GLIS1: variants seen among roughly 807,000 people sequenced by gnomAD.
The protein encoded by GLIS1 is GLIS family zinc finger 1, also known as zinc finger protein GLIS1.
A neutral mutation model predicts 63.8 loss-of-function variants in GLIS1; 24 were observed. That is an observed-to-expected ratio of 0.38 (90% CI 0.27 to 0.53). The LOEUF (loss-of-function observed/expected upper bound fraction) is 0.53, where lower values mean the gene tolerates loss of function less well. GLIS1 is among the 20% of genes least tolerant of loss of function. The pLI is 0.85. For missense variants in GLIS1, 1,036 were observed against 1,074.1 expected (o/e 0.96, Z 0.50); for synonymous variants, 450 against 482.5 (o/e 0.93, Z 0.88).
Position 53,594,231 on chromosome 1 carries a change from G to A in GLIS1, c.1197C>T (p.Arg399=). ...AGAAGCAGGTGAAGTCCTCGCCCTT[G>A]CGCTGGTCGATGTGGCTCTTCTCGA... The part of the protein sequence containing the change: ...RHIEKSHIDQ[R]KGEDFTCFWA... Residue 399 remains arginine (R), a synonymous_variant, in exon 4 of 11, where the codon CGC becomes CGT. Transcript: ENST00000628545. 1 of 1,613,898 alleles carries A rather than the reference G, an allele frequency of 6.2e-7. No individual in the cohort carries two copies. The highest frequency in any genetic ancestry group is 1.1e-5 in the South Asian group (1 of 91,088).
chr1:53,725,572 G>A (rs1032738225), intron 2 of GLIS1, among the ~76,000 whole-genome samples: 1 of 152,200 alleles, frequency 6.6e-6, no homozygotes, highest in African/African-American at 2.4e-5. Context: ...CAGCCTGAAG[G>A]GGGAACCTGC....
At chr1:53,605,873 C>T (rs1645364925) in intron 2 of GLIS1, among the ~76,000 whole-genome samples, 1 of 152,176 alleles carries the variant, frequency 6.6e-6, no homozygotes, top group Non-Finnish European at 1.5e-5. Flanking sequence ...CTTAGAAATG[C>T]TGGGAGGGTA....
chr1:53,732,314 C>CG (rs1237733088), intron 2 of GLIS1, among the ~76,000 whole-genome samples: 2 of 152,212 alleles, frequency 1.3e-5, no homozygotes, highest in African/African-American at 4.8e-5. Context: ...TCTCTCCACC[C>CG]CTACCCAGCC....
chr1:53,512,520 C>T (rs1220690932), intron 8 of GLIS1, among the ~76,000 whole-genome samples: 2 of 152,102 alleles, frequency 1.3e-5, no homozygotes, highest in African/African-American at 2.4e-5. Flanking sequence ...CACGAGTGGC[C>T]GTTCCTTGTT....
intron 2 of GLIS1, among the ~76,000 whole-genome samples, chr1:53,668,834 G>A (rs1281857915): frequency 6.6e-6 from 1 of 152,070 alleles, no homozygotes; most frequent in Non-Finnish European, 1.5e-5. Flanking sequence ...AATCACCTAC[G>A]ACACGTCTCA....
chr1:53,681,299 C>G (rs927275351), intron 2 of GLIS1, among the ~76,000 whole-genome samples: 1 of 152,250 alleles, frequency 6.6e-6, no homozygotes, highest in Non-Finnish European at 1.5e-5. Context: ...GGGCTGCAGC[C>G]TGAGGTGGGC....
intron 2 of GLIS1, among the ~76,000 whole-genome samples, chr1:53,700,109 GCTCAGCCAGGGT>G (rs1383711860): frequency 6.6e-6 from 1 of 152,190 alleles, no homozygotes; most frequent in Non-Finnish European, 1.5e-5. Flanking sequence ...GCCACTACAC[GCTCAGCCAGGGT>G]CTCAGCCCAC....
intron 2 of GLIS1, among the ~76,000 whole-genome samples, chr1:53,605,043 G>C (rs969861910): frequency 6.6e-5 from 1 of 15,174 alleles, no homozygotes; most frequent in Non-Finnish European, 0.012. Context: ...GCTGTTAATC[G>C]CCAACCCCCG....
Position 53,571,539 on chromosome 1 carries a change from G to A in GLIS1, c.1320+22569C>T, listed in dbSNP as rs560903557. ...ACAGAATGTAATAGTATACAGTAGT[G>A]AAAATGAATGAATTATAGCTGCACA... On this transcript the variant is annotated intron_variant, in intron 4 of 10. Transcript: ENST00000628545. Among the ~76,000 whole-genome samples the A allele has an allele frequency of 9.2e-5, 14 of 152,210 alleles. 1 individual carries two copies. In the South Asian group the frequency reaches 2.5e-3, roughly 27 times the overall value.
At position 53,574,867 on chromosome 1, in the gene GLIS1, T is replaced by C. The variant is rs1645016470; in HGVS notation, c.1320+19241A>G. The stretch of plus-strand genomic sequence containing the variant: ...CCACAGGCCCGTTGGAGGGAGGATG[T>C]CTTCCCTCGCCCACAGTCAGGCTCC... On this transcript the variant is annotated intron_variant, in intron 4 of 10. Coordinates refer to ENST00000628545, the MANE Select transcript of GLIS1 (RefSeq NM_001367484.1). This position sits in a 1 kb window ranked among gnomAD's most constrained non-coding sequence, Gnocchi z 4.2. Among the ~76,000 whole-genome samples, 1 of 152,162 alleles carries C rather than the reference T, an allele frequency of 6.6e-6. No homozygotes were observed. The highest frequency in any genetic ancestry group is 2.4e-5 in the African/African-American group (1 of 41,422).
At position 53,639,490 on chromosome 1, in the gene GLIS1, C is replaced by T. The variant is rs1055423097; in HGVS notation, c.260-39212G>A. Among the ~76,000 whole-genome samples, 6 of 152,092 alleles carry T rather than the reference C, an allele frequency of 3.9e-5. No individual in the cohort carries two copies. Among genetic ancestry groups the T allele is most frequent in the South Asian group, 2.1e-4 (1 of 4,822 alleles). On this transcript the variant is annotated intron_variant, in intron 2 of 10. Coordinates refer to ENST00000628545, the MANE Select transcript of GLIS1 (RefSeq NM_001367484.1). The surrounding 1 kb of genome is among the most constrained non-coding windows in gnomAD (Gnocchi z 4.6). ...TCAATCAGTAAATTCCAAGCAGATG[C>T]GCACAGGCTGTTTTGGTTGGAACCC...
At chr1:53,688,746 G>A (rs374579085) in intron 2 of GLIS1, 1 of 152,138 alleles carries the variant, frequency 6.6e-6, no homozygotes, top group Non-Finnish European at 1.5e-5. Context: ...TTTTTGTGTG[G>A]GGGGGGATGT....
intron 2 of GLIS1, among the ~76,000 whole-genome samples, chr1:53,614,317 AG>A (rs1461844238): frequency 2.6e-5 from 4 of 152,350 alleles, no homozygotes; most frequent in Non-Finnish European, 2.9e-5. Context: ...CAGTCAGAGA[AG>A]GTGTCTCCAA....
intron 4 of GLIS1, among the ~76,000 whole-genome samples, chr1:53,540,400 C>A (rs1425168047): frequency 1.3e-5 from 2 of 152,138 alleles, no homozygotes; most frequent in African/African-American, 4.8e-5. Context: ...CAAACTCGCC[C>A]CACGGCCTCA....
At chr1:53,570,520 C>T (rs376802662) in intron 4 of GLIS1, among the ~76,000 whole-genome samples, 8 of 152,024 alleles carry the variant, frequency 5.3e-5, no homozygotes, top group African/African-American at 1.4e-4. Flanking sequence ...TGGGAAATAG[C>T]GGGGATGGAC....
chr1:53,525,458 T>TAGGAGGTG (rs1348013180), intron 5 of GLIS1, among the ~76,000 whole-genome samples: 1 of 9,620 alleles, frequency 1.0e-4, no homozygotes. Flanking sequence ...AACACAGGGC[T>TAGGAGGTG]GGGGAGGCTG....
At chr1:53,538,934 C>T (rs1020672078) in intron 4 of GLIS1, among the ~76,000 whole-genome samples, 13 of 152,096 alleles carry the variant, frequency 8.5e-5, no homozygotes, top group African/African-American at 3.1e-4. Context: ...GCATGTGGAA[C>T]CCCCGAAAGT....
chr1:53,515,816 TAAAAAAAAAAA>T (rs58953406), intron 7 of GLIS1, among the ~76,000 whole-genome samples: 1 of 69,136 alleles, frequency 1.4e-5, no homozygotes, highest in African/African-American at 5.4e-5. Flanking sequence ...CTATTTTATC[TAAAAAAAAAAA>T]AAAAAAAAAA....
chr1:53,614,414 A>G (rs200401004), intron 2 of GLIS1, among the ~76,000 whole-genome samples: 1 of 152,136 alleles, frequency 6.6e-6, no homozygotes, highest in South Asian at 2.1e-4. Flanking sequence ...CCGAGGCTGG[A>G]GTGCGTTCCA....
Sources: gnomAD v4.1 joint callset for allele counts (sites outside exome capture counted in the v4.1 genomes callset) on GRCh38, gnomAD v4.1.1 for gene constraint, Gnocchi (gnomAD v3.1) non-coding constraint, MANE v1.5 for transcripts, NCBI Gene and HGNC (gene_info 2026-07-23, HGNC 2026-07-21) for gene names.